ITPR1: variants seen among roughly 807,000 people sequenced by gnomAD.
The protein encoded by ITPR1 is inositol 1,4,5-trisphosphate receptor type 1.
Under a neutral mutation model 318.4 loss-of-function variants are expected in ITPR1, and 96 were observed. The observed-to-expected ratio is 0.30, with a 90% CI of 0.26 to 0.36. The LOEUF is 0.36. Among genes scored for constraint, ITPR1 ranks in the 10% least tolerant of loss-of-function variants. ITPR1 has a pLI of 1.00. For synonymous variants in ITPR1, 1,312 were observed against 1,289.9 expected (o/e 1.02, Z -0.37); for missense variants, 2,440 against 3,460.2 (o/e 0.71, Z 7.40).
chr3:4,721,557 C>G (rs201203169), intron 40 of ITPR1, among the ~76,000 whole-genome samples: 4 of 151,580 alleles, frequency 2.6e-5, no homozygotes, highest in African/African-American at 9.7e-5. Flanking sequence ...AGCCTGTTCA[C>G]TGTTGGTCTC....
intron 4 of ITPR1, among the ~76,000 whole-genome samples, chr3:4,539,040 TA>T (rs1236392832): frequency 1.3e-5 from 2 of 152,222 alleles, no homozygotes; most frequent in Non-Finnish European, 2.9e-5. Context: ...CTTAAGATTT[TA>T]AAAAATTTAT....
At chr3:4,800,622 G>C (rs774815284) in intron 54 of ITPR1, 22 bp downstream of exon 54, 2 of 1,610,400 alleles carry the variant, frequency 1.2e-6, no homozygotes, top group Non-Finnish European at 1.7e-6. Context: ...TACCTTCCTT[G>C]CCACTGTTTT....
At chr3:4,545,387 C>T (rs1355432265) in intron 4 of ITPR1, among the ~76,000 whole-genome samples, 1 of 151,958 alleles carries the variant, frequency 6.6e-6, no homozygotes, top group East Asian at 1.9e-4. Context: ...CTTTGGGAGG[C>T]CAAGATGTGA....
At chr3:4,522,124 G>A (rs1391835407) in intron 4 of ITPR1, among the ~76,000 whole-genome samples, 1 of 152,104 alleles carries the variant, frequency 6.6e-6, no homozygotes, top group African/African-American at 2.4e-5. Flanking sequence ...AAATTAAATA[G>A]ATGCTTGGGG....
At chr3:4,839,910 A>T (rs1048790703) in intron 61 of ITPR1, among the ~76,000 whole-genome samples, 1 of 152,012 alleles carries the variant, frequency 6.6e-6, no homozygotes, top group African/African-American at 2.4e-5. Context: ...TTCTTGGAAG[A>T]TATTATAAGT....
At chr3:4,728,493 G>A (rs1400313350) in intron 42 of ITPR1, among the ~76,000 whole-genome samples, 1 of 152,040 alleles carries the variant, frequency 6.6e-6, no homozygotes, top group African/African-American at 2.4e-5. Flanking sequence ...TATTTATAGG[G>A]TACATGAGAT....
intron 10 of ITPR1, among the ~76,000 whole-genome samples, chr3:4,647,262 C>T (rs2093479621): frequency 1.3e-5 from 2 of 152,142 alleles, no homozygotes; most frequent in Non-Finnish European, 2.9e-5. Flanking sequence ...AATACTCCAT[C>T]ATATGGATAC....
At chr3:4,707,406 C>T (rs1288982344) in intron 37 of ITPR1, among the ~76,000 whole-genome samples, 6 of 152,178 alleles carry the variant, frequency 3.9e-5, no homozygotes, top group South Asian at 2.1e-4. Flanking sequence ...CTGGAGTTGT[C>T]GACTGAAACA....
At chr3:4,812,398 CTCCAGACTGCTAGCAGTAGCTCT>C (rs1213757199) in intron 56 of ITPR1, among the ~76,000 whole-genome samples, 2 of 152,136 alleles carry the variant, frequency 1.3e-5, no homozygotes, top group African/African-American at 2.4e-5. Context: ...ATGACTGTAC[CTCCAGACTGCTAGCAGTAGCTCT>C]CTCTGGGGCT....
At chr3:4,681,790 G>A (rs915523199) in intron 26 of ITPR1, among the ~76,000 whole-genome samples, 1 of 152,102 alleles carries the variant, frequency 6.6e-6, no homozygotes, top group Non-Finnish European at 1.5e-5. Flanking sequence ...AGTGAAGTTA[G>A]TAAGATCATG....
chr3:4,503,353 T>C (rs2081169619), intron 2 of ITPR1, among the ~76,000 whole-genome samples: 1 of 152,096 alleles, frequency 6.6e-6, no homozygotes, highest in African/African-American at 2.4e-5. Flanking sequence ...GCTTCTTGGG[T>C]AAGGGGCAAA....
intron 4 of ITPR1, among the ~76,000 whole-genome samples, chr3:4,578,290 G>T (rs1266264934): frequency 2.6e-5 from 4 of 151,674 alleles, no homozygotes. Context: ...TTATTTTTTG[G>T]TTTCTAGAGT....
At chr3:4,617,524 T>C (rs1377786277) in intron 4 of ITPR1, among the ~76,000 whole-genome samples, 1 of 152,158 alleles carries the variant, frequency 6.6e-6, no homozygotes, top group Non-Finnish European at 1.5e-5. Flanking sequence ...TCTAATCACC[T>C]CTTCAAGGCT....
chr3:4,730,371 ATGTGTGTGTGTGTGTGTG>A (rs369249391), intron 42 of ITPR1, among the ~76,000 whole-genome samples: 3 of 57,312 alleles, frequency 5.2e-5, no homozygotes, highest in African/African-American at 1.7e-4. Flanking sequence ...GTTGGGTGGA[ATGTGTGTGTGTGTGTGTG>A]TGTGTGTGTG....
chr3:4,587,118 G>T (rs1422486399), intron 4 of ITPR1, among the ~76,000 whole-genome samples: 2 of 152,102 alleles, frequency 1.3e-5, no homozygotes, highest in East Asian at 3.9e-4. Flanking sequence ...TTGCATTAAG[G>T]CAGAGTTTCT....
Position 4,783,897 on chromosome 3 carries a change from GCCAAGCACACGGCGCAGA to G in ITPR1, c.6593_6610del (p.Ala2198_Ile2204delinsVal). ...CGGAGATGAAGCCCTGGAGTTTTAT[GCCAAGCACACGGCGCAGA>G]TAGAGGTAAAAGCTGAGTAAACTCA... On this transcript the variant is annotated inframe_deletion, in exon 51 of 62. Coordinates refer to ENST00000649015, the MANE Select transcript of ITPR1 (RefSeq NM_001378452.1). The G allele has an allele frequency of 6.2e-7, 1 of 1,608,412 alleles. No individual in the cohort carries two copies. The highest frequency in any genetic ancestry group is 8.5e-7 in the Non-Finnish European group (1 of 1,177,462).
At chr3:4,613,842 G>T (rs1053005415) in intron 4 of ITPR1, among the ~76,000 whole-genome samples, 10 of 151,864 alleles carry the variant, frequency 6.6e-5, no homozygotes, top group Admixed American at 5.9e-4. Context: ...ATATGCACAC[G>T]CCTTAAATGT....
At chr3:4,839,882 G>A (rs771979839) in intron 61 of ITPR1, among the ~76,000 whole-genome samples, 40 of 152,094 alleles carry the variant, frequency 2.6e-4, no homozygotes, top group Non-Finnish European at 4.1e-4. Context: ...CCCTGTGAAT[G>A]AATTTGAACT....
intron 4 of ITPR1, among the ~76,000 whole-genome samples, chr3:4,578,000 G>A (rs2088867935): frequency 6.6e-6 from 1 of 152,208 alleles, no homozygotes; most frequent in Non-Finnish European, 1.5e-5. Context: ...ATTTTTACCT[G>A]AAGCTCATCC....
Sources: gnomAD v4.1 joint callset for allele counts (sites outside exome capture counted in the v4.1 genomes callset) on GRCh38, gnomAD v4.1.1 for gene constraint, MANE v1.5 for transcripts, NCBI Gene and HGNC (gene_info 2026-07-23, HGNC 2026-07-21) for gene names.